PPM1H: variants seen among roughly 807,000 people sequenced by gnomAD.
PPM1H encodes protein phosphatase 1H.
In PPM1H, 27 loss-of-function variants were observed where a neutral mutation model predicts 54.9. That is an observed-to-expected ratio of 0.49 (90% CI 0.36 to 0.68). The LOEUF is 0.68. PPM1H is among the 30% of genes least tolerant of loss of function. The pLI is 0.00. For missense variants in PPM1H, 596 were observed against 667.8 expected, an observed-to-expected ratio of 0.89 and a Z score of 1.19; for synonymous variants, 305 against 270.8, an observed-to-expected ratio of 1.13 and a Z score of -1.24.
chr12:62,823,982 A>G (rs988109408), intron 2 of PPM1H, among the ~76,000 whole-genome samples: 2 of 152,138 alleles, frequency 1.3e-5, no homozygotes, highest in African/African-American at 2.4e-5. Flanking sequence ...AGATGACATG[A>G]TTGTATATCT....
At chr12:62,870,194 T>G (rs1869928535) in intron 1 of PPM1H, among the ~76,000 whole-genome samples, 1 of 152,184 alleles carries the variant, frequency 6.6e-6, no homozygotes, top group South Asian at 2.1e-4. Context: ...GAAGCAAAGC[T>G]GAGATTGGAG....
At chr12:62,725,245 C>T (rs983307793) in intron 5 of PPM1H, among the ~76,000 whole-genome samples, 2 of 152,168 alleles carry the variant, frequency 1.3e-5, no homozygotes, top group Admixed American at 1.3e-4. Context: ...GACACCCATC[C>T]CACAAAAGTT....
intron 9 of PPM1H, among the ~76,000 whole-genome samples, chr12:62,664,558 C>A (rs1306001674): frequency 6.6e-6 from 1 of 152,180 alleles, no homozygotes; most frequent in East Asian, 1.9e-4. Flanking sequence ...TGAGCTAACA[C>A]CCCTCCCTTG....
intron 6 of PPM1H, among the ~76,000 whole-genome samples, chr12:62,708,585 C>T (rs2120414212): frequency 6.6e-6 from 1 of 152,306 alleles, no homozygotes; most frequent in African/African-American, 2.4e-5. Flanking sequence ...TGGAAAATTT[C>T]AGGAGTGGTA....
intron 1 of PPM1H, among the ~76,000 whole-genome samples, chr12:62,913,255 G>A (rs1223158726): frequency 6.6e-6 from 1 of 152,200 alleles, no homozygotes; most frequent in Non-Finnish European, 1.5e-5. Context: ...AAAAGAACCT[G>A]AAGGAGTCCC....
At chr12:62,652,246 T>G (rs758360914) in intron 9 of PPM1H, among the ~76,000 whole-genome samples, 38 of 152,322 alleles carry the variant, frequency 2.5e-4, no homozygotes, top group South Asian at 1.7e-3. Context: ...AGGGCCTCGC[T>G]CTGTCATCCA....
At chr12:62,729,574 C>T (rs762724835) in intron 5 of PPM1H, among the ~76,000 whole-genome samples, 8 of 152,328 alleles carry the variant, frequency 5.3e-5, no homozygotes, top group Non-Finnish European at 1.2e-4. Context: ...TAGCTGGCCT[C>T]CCGATCAAGA....
At chr12:62,829,911 G>A (rs1868331803) in intron 2 of PPM1H, among the ~76,000 whole-genome samples, 1 of 152,196 alleles carries the variant, frequency 6.6e-6, no homozygotes, top group Non-Finnish European at 1.5e-5. Flanking sequence ...AATATCAGTG[G>A]AAAGAGCAAC....
At chr12:62,709,885 A>G (rs1309181876) in intron 6 of PPM1H, among the ~76,000 whole-genome samples, 2 of 151,984 alleles carry the variant, frequency 1.3e-5, no homozygotes, top group African/African-American at 2.4e-5. Context: ...AGCCTGACCA[A>G]CATGGAGAAA....
intron 2 of PPM1H, among the ~76,000 whole-genome samples, chr12:62,823,802 G>C (rs1012788079): frequency 6.6e-6 from 1 of 152,106 alleles, no homozygotes; most frequent in African/African-American, 2.4e-5. Flanking sequence ...ATACTGAATG[G>C]GCAAAAACTG....
At chr12:62,924,543 T>G (rs978529774) in intron 1 of PPM1H, among the ~76,000 whole-genome samples, 1 of 152,228 alleles carries the variant, frequency 6.6e-6, no homozygotes, top group African/African-American at 2.4e-5. Context: ...GAGATGCGAA[T>G]TTACTACATT....
chr12:62,790,502 T>A (rs1025260996), intron 3 of PPM1H, among the ~76,000 whole-genome samples: 1 of 151,932 alleles, frequency 6.6e-6, no homozygotes, highest in Non-Finnish European at 1.5e-5. Context: ...AGCCCAGGAG[T>A]TCGAGGCTGC....
At chr12:62,732,573 CG>C (rs1565771927) in intron 5 of PPM1H, among the ~76,000 whole-genome samples, 1 of 147,544 alleles carries the variant, frequency 6.8e-6, no homozygotes, top group Non-Finnish European at 1.5e-5. Context: ...TTTTTGTTTT[CG>C]GTTTTTTTTT....
chr12:62,932,077 G>T (rs1009887355), intron 1 of PPM1H, among the ~76,000 whole-genome samples: 2 of 149,116 alleles, frequency 1.3e-5, no homozygotes, highest in African/African-American at 4.9e-5. Context: ...GGGAAGAGGG[G>T]CTGACTTTTT....
chr12:62,682,095 T>C lies in PPM1H; in HGVS notation c.1245+7604A>G, dbSNP rs190539879. Among the ~76,000 whole-genome samples, 310 of 152,368 alleles carry C rather than the reference T, an allele frequency of 2.0e-3. 1 individual carries two copies. Among genetic ancestry groups the C allele is most frequent in the African/African-American group, 6.9e-3 (289 of 41,590 alleles). On this transcript the variant is annotated intron_variant, in intron 8 of 9. Transcript: ENST00000228705. ...ACCAGTCTAAGTTTTTTAACCACCA[T>C]ATTATATGGCCTCCAGGTTTTTTTG...
Position 62,828,430 on chromosome 12 carries a change from T to G in PPM1H, c.411+3684A>C, listed in dbSNP as rs535304617. 3.2e-4 allele frequency among the ~76,000 whole-genome samples: 48 copies of G among 152,308 alleles called. No individual in the cohort carries two copies. The South Asian group carries it at 8.9e-3, about 28-fold the overall frequency. ...TTCAATTGTCCAGAACGATAAATGC[T>G]CTTCCTTCAAATAGCTGCAATTTCA... On this transcript the variant is annotated intron_variant, in intron 2 of 9. Transcript: ENST00000228705.
intron 5 of PPM1H, among the ~76,000 whole-genome samples, chr12:62,722,152 T>C (rs2076267402): frequency 6.6e-6 from 1 of 152,104 alleles, no homozygotes; most frequent in African/African-American, 2.4e-5. Context: ...ATTCTTTTTA[T>C]TTTAGTCCGC....
chr12:62,780,069 G>A (rs982826923), intron 4 of PPM1H, among the ~76,000 whole-genome samples: 1 of 152,162 alleles, frequency 6.6e-6, no homozygotes, highest in Non-Finnish European at 1.5e-5. Context: ...GGTTATTTAT[G>A]TAAAATTCAT....
intron 1 of PPM1H, among the ~76,000 whole-genome samples, chr12:62,908,794 C>A (rs1378584428): frequency 6.6e-6 from 1 of 152,222 alleles, no homozygotes; most frequent in Non-Finnish European, 1.5e-5. Context: ...TTACAAATTA[C>A]TATGGACCAC....
Sources: allele counts gnomAD v4.1 joint callset (sites outside exome capture counted in the v4.1 genomes callset), GRCh38; gene constraint gnomAD v4.1.1; transcripts MANE v1.5; gene names NCBI Gene and HGNC (gene_info 2026-07-23, HGNC 2026-07-21).